The following CTNNA3 variants were observed in gnomAD, a reference collection of about 807,000 sequenced individuals.
CTNNA3 encodes catenin alpha-3.
In CTNNA3, 76 loss-of-function variants were observed where a neutral mutation model predicts 95.7. The observed-to-expected ratio is 0.79, with a 90% CI of 0.66 to 0.96. The LOEUF (loss-of-function observed/expected upper bound fraction) is 0.96. Among genes scored for constraint, CTNNA3 ranks in the 40% least tolerant of loss-of-function variants. CTNNA3 has a pLI of 0.00. For missense variants in CTNNA3, 1,191 were observed against 1,089.8 expected (o/e 1.09, Z -1.31); for synonymous variants, 431 against 374.4 (o/e 1.15, Z -1.74).
At chr10:66,779,325 C>T (rs550612890) in intron 7 of CTNNA3, among the ~76,000 whole-genome samples, 1 of 129,440 alleles carries the variant, frequency 7.7e-6, no homozygotes, top group Admixed American at 8.5e-5. Context: ...GTTATGGACT[C>T]CTTCCTTCCT....
At chr10:66,394,377 A>G (rs1371900445) in intron 11 of CTNNA3, among the ~76,000 whole-genome samples, 1 of 151,966 alleles carries the variant, frequency 6.6e-6, no homozygotes, top group Non-Finnish European at 1.5e-5. Context: ...TGCCATTCTT[A>G]TCCTGACAAA....
At chr10:66,058,891 GGT>G (rs1472870465) in intron 15 of CTNNA3, among the ~76,000 whole-genome samples, 4 of 151,992 alleles carry the variant, frequency 2.6e-5, no homozygotes, top group African/African-American at 9.7e-5. Flanking sequence ...CTTTCTCTTG[GGT>G]AACTAATCAA....
At chr10:66,078,448 A>C (rs1398658071) in intron 14 of CTNNA3, among the ~76,000 whole-genome samples, 1 of 151,930 alleles carries the variant, frequency 6.6e-6, no homozygotes, top group Admixed American at 6.6e-5. Context: ...ACTTCCAGAC[A>C]GAATTGCAAA....
intron 11 of CTNNA3, among the ~76,000 whole-genome samples, chr10:66,399,948 C>T (rs1049924270): frequency 6.6e-6 from 1 of 151,936 alleles, no homozygotes; most frequent in Non-Finnish European, 1.5e-5. Flanking sequence ...CTTGTCAAAA[C>T]AGCAAACTTA....
intron 1 of CTNNA3, among the ~76,000 whole-genome samples, chr10:67,671,622 T>C (rs1589555475): frequency 6.6e-6 from 1 of 151,708 alleles, no homozygotes; most frequent in Middle Eastern, 3.4e-3. Context: ...TGGTTTTTTG[T>C]CCTTGCGATA....
intron 17 of CTNNA3, among the ~76,000 whole-genome samples, chr10:65,935,905 T>C (rs1262988829): frequency 1.3e-5 from 2 of 152,172 alleles, no homozygotes; most frequent in Admixed American, 1.3e-4. Context: ...CGTTTATGAA[T>C]GCATATTTTA....
At chr10:66,036,092 T>G (rs1011717002) in intron 15 of CTNNA3, among the ~76,000 whole-genome samples, 3 of 152,118 alleles carry the variant, frequency 2.0e-5, no homozygotes, top group Non-Finnish European at 4.4e-5. Flanking sequence ...TAAATATCTC[T>G]TTCACCTCTG....
intron 9 of CTNNA3, among the ~76,000 whole-genome samples, chr10:66,670,409 A>G (rs1846617776): frequency 6.6e-6 from 1 of 152,044 alleles, no homozygotes; most frequent in African/African-American, 2.4e-5. Flanking sequence ...CTGACATCTC[A>G]ATTTCCTTGG....
intron 7 of CTNNA3, among the ~76,000 whole-genome samples, chr10:66,812,021 C>T (rs73316583): frequency 2.6e-5 from 4 of 152,112 alleles, no homozygotes; most frequent in Non-Finnish European, 5.9e-5. Flanking sequence ...CTTGTAGCAG[C>T]TTTACTTTAT....
intron 11 of CTNNA3, among the ~76,000 whole-genome samples, chr10:66,412,152 G>T (rs953979371): frequency 6.6e-6 from 1 of 152,068 alleles, no homozygotes; most frequent in Admixed American, 6.6e-5. Flanking sequence ...ACATGCATTC[G>T]ATATTCCAGC....
chr10:66,961,147 A>C (rs1018548647), intron 7 of CTNNA3, among the ~76,000 whole-genome samples: 1 of 152,232 alleles, frequency 6.6e-6, no homozygotes, highest in Admixed American at 6.5e-5. Flanking sequence ...TTTCAAAAAA[A>C]GTTACGAACA....
intron 10 of CTNNA3, among the ~76,000 whole-genome samples, chr10:66,617,481 G>A (rs956814897): frequency 6.6e-6 from 1 of 152,080 alleles, no homozygotes; most frequent in Non-Finnish European, 1.5e-5. Context: ...CTCAATAGAT[G>A]CAGAAAAGGC....
chr10:66,495,408 T>C (rs1840067376), intron 11 of CTNNA3, among the ~76,000 whole-genome samples: 1 of 152,108 alleles, frequency 6.6e-6, no homozygotes, highest in East Asian at 1.9e-4. Flanking sequence ...GAACTTGGTG[T>C]AATCAAAGAG....
At chr10:67,609,985 T>C (rs1564781246) in intron 2 of CTNNA3, among the ~76,000 whole-genome samples, 1 of 152,234 alleles carries the variant, frequency 6.6e-6, no homozygotes, top group East Asian at 1.9e-4. Flanking sequence ...AAGGCAAATA[T>C]CTCACTCTTG....
intron 5 of CTNNA3, among the ~76,000 whole-genome samples, chr10:67,362,600 T>C (rs1230407729): frequency 2.0e-5 from 3 of 151,896 alleles, no homozygotes; most frequent in African/African-American, 4.8e-5. Context: ...CTAACGAGCA[T>C]ATCTCAAAAT....
At chr10:66,462,102 G>A (rs1306373859) in intron 11 of CTNNA3, among the ~76,000 whole-genome samples, 1 of 151,908 alleles carries the variant, frequency 6.6e-6, no homozygotes, top group Non-Finnish European at 1.5e-5. Flanking sequence ...GAGCCACCAC[G>A]CCCAGCCATG....
intron 17 of CTNNA3, among the ~76,000 whole-genome samples, chr10:65,938,823 C>A (rs1463233517): frequency 6.6e-6 from 1 of 151,824 alleles, no homozygotes; most frequent in East Asian, 1.9e-4. Context: ...GATAAGGGAT[C>A]AAATAGGCCC....
intron 13 of CTNNA3, among the ~76,000 whole-genome samples, chr10:66,247,820 A>G (rs893802302): frequency 6.6e-6 from 1 of 152,234 alleles, no homozygotes; most frequent in African/African-American, 2.4e-5. Context: ...CATCAACACC[A>G]GACCCATCCT....
At chr10:67,488,083 A>G (rs1183370558) in intron 5 of CTNNA3, among the ~76,000 whole-genome samples, 1 of 152,018 alleles carries the variant, frequency 6.6e-6, no homozygotes, top group African/African-American at 2.4e-5. Flanking sequence ...ATACATACAG[A>G]ACCTCGTTGA....
Sources: gnomAD v4.1 joint callset for allele counts (sites outside exome capture counted in the v4.1 genomes callset) on GRCh38, gnomAD v4.1.1 for gene constraint, MANE v1.5 for transcripts, NCBI Gene and HGNC (gene_info 2026-07-23, HGNC 2026-07-21) for gene names.